The following RBMS3 variants were observed in gnomAD, a reference collection of about 807,000 sequenced individuals.
The protein encoded by RBMS3 is RNA binding motif single stranded interacting protein 3.
In RBMS3, 27 loss-of-function variants were observed where a neutral mutation model predicts 66.8. That is an observed-to-expected ratio of 0.40 (90% CI 0.30 to 0.56). The LOEUF is 0.56. Ranked by LOEUF, RBMS3 falls within the 20% of genes least tolerant of loss-of-function variation. The probability of loss-of-function intolerance (pLI) is 0.40; values close to 1 mark genes in which losing one functional copy is unlikely to be tolerated. For missense variants in RBMS3, 513 were observed against 549.5 expected, an observed-to-expected ratio of 0.93 and a Z score of 0.66; for synonymous variants, 188 against 183.0, an observed-to-expected ratio of 1.03 and a Z score of -0.22.
chr3:29,594,767 A>G (rs540431521), intron 4 of RBMS3, among the ~76,000 whole-genome samples: 3 of 152,234 alleles, frequency 2.0e-5, no homozygotes, highest in South Asian at 4.1e-4. Context: ...TCAAAACTCA[A>G]TATTGAAATT....
chr3:29,578,812 T>TTTTTTTTTTTTTTTTTTTTTTTTTGTG (rs2047219913), intron 3 of RBMS3, among the ~76,000 whole-genome samples: 1 of 134,710 alleles, frequency 7.4e-6, no homozygotes, highest in African/African-American at 3.0e-5. Flanking sequence ...TTTTTTTTTT[T>TTTTTTTTTTTTTTTTTTTTTTTTTGTG]GAGACGGAGT....
At chr3:29,566,575 C>A (rs568531584) in intron 3 of RBMS3, among the ~76,000 whole-genome samples, 1 of 143,470 alleles carries the variant, frequency 7.0e-6, no homozygotes, top group East Asian at 2.1e-4. Context: ...AATATTTGTT[C>A]ATACTTGAAT....
chr3:29,947,026 A>G lies in RBMS3; in HGVS notation c.1098+2772A>G, dbSNP rs1001989797. Among the ~76,000 whole-genome samples, 3 of 151,688 alleles carry G rather than the reference A, an allele frequency of 2.0e-5. 1 individual carries two copies. Among genetic ancestry groups the G allele is most frequent in the Admixed American group, 2.0e-4 (3 of 15,170 alleles). ...TGGCAAACTGTGGGTTTAAGGAAGA[A>G]TAAAGAAGGAAGAAAAAAGAAGGCA... On this transcript the variant is annotated intron_variant, in intron 12 of 14. Transcript: ENST00000383767.
At chr3:29,836,012 T>G (rs1339982935) in intron 6 of RBMS3, among the ~76,000 whole-genome samples, 1 of 151,846 alleles carries the variant, frequency 6.6e-6, no homozygotes, top group Non-Finnish European at 1.5e-5. Context: ...CAAATTAGAC[T>G]GCCTAGAATA....
At chr3:29,565,698 A>G (rs1461886944) in intron 3 of RBMS3, among the ~76,000 whole-genome samples, 1 of 152,200 alleles carries the variant, frequency 6.6e-6, no homozygotes, top group African/African-American at 2.4e-5. Context: ...AAGTATTAAC[A>G]CCAAAACACT....
chr3:29,285,461 C>T (rs1359513421), intron 1 of RBMS3, among the ~76,000 whole-genome samples: 1 of 152,084 alleles, frequency 6.6e-6, no homozygotes. Context: ...CAAGTTTCTC[C>T]TTTCTTCCTT....
chr3:29,475,831 G>A (rs1479654439), intron 2 of RBMS3, among the ~76,000 whole-genome samples: 3 of 151,954 alleles, frequency 2.0e-5, no homozygotes, highest in Admixed American at 6.6e-5. Context: ...CATTATGTGG[G>A]GCCATGTGTT....
intron 4 of RBMS3, chr3:29,698,336 A>G: frequency 4.1e-6 from 4 of 985,444 alleles, no homozygotes; most frequent in Non-Finnish European, 4.8e-6. Flanking sequence ...TTTTATTGGA[A>G]TAATAAAACC....
chr3:29,483,514 A>G (rs985795282), intron 2 of RBMS3, among the ~76,000 whole-genome samples: 1 of 152,064 alleles, frequency 6.6e-6, no homozygotes, highest in Non-Finnish European at 1.5e-5. Context: ...CTACTGAGTC[A>G]GATTTCTGGG....
chr3:29,594,903 C>G (rs2047890544), intron 4 of RBMS3, among the ~76,000 whole-genome samples: 1 of 152,186 alleles, frequency 6.6e-6, no homozygotes. Context: ...GTACTACCCT[C>G]TGCTTTTGCA....
intron 10 of RBMS3, among the ~76,000 whole-genome samples, chr3:29,907,959 T>G (rs920765233): frequency 6.6e-6 from 1 of 151,994 alleles, no homozygotes; most frequent in African/African-American, 2.4e-5. Context: ...AAGAATTTGT[T>G]AAGGTTGGCC....
intron 2 of RBMS3, among the ~76,000 whole-genome samples, chr3:29,479,969 A>G (rs993098977): frequency 6.6e-6 from 1 of 152,202 alleles, no homozygotes; most frequent in African/African-American, 2.4e-5. Context: ...TCAATACCTG[A>G]CTAGTTTCTG....
intron 1 of RBMS3, among the ~76,000 whole-genome samples, chr3:29,378,689 A>G (rs1359866505): frequency 1.3e-5 from 2 of 152,202 alleles, no homozygotes; most frequent in Non-Finnish European, 2.9e-5. Flanking sequence ...ATTATTTTTA[A>G]TATACATTTT....
chr3:29,424,758 G>A (rs929499469), intron 1 of RBMS3, among the ~76,000 whole-genome samples: 13 of 152,080 alleles, frequency 8.5e-5, no homozygotes, highest in Admixed American at 3.9e-4. Context: ...GGAACAAAGT[G>A]TGTTATTTCT....
intron 4 of RBMS3, among the ~76,000 whole-genome samples, chr3:29,650,379 C>G (rs2149212346): frequency 6.6e-6 from 1 of 151,372 alleles, no homozygotes; most frequent in Non-Finnish European, 1.5e-5. Flanking sequence ...CAGCCTCAAC[C>G]TCTGGGGCTC....
At chr3:29,518,017 T>C (rs1475023704) in intron 3 of RBMS3, among the ~76,000 whole-genome samples, 1 of 152,194 alleles carries the variant, frequency 6.6e-6, no homozygotes, top group Non-Finnish European at 1.5e-5. Context: ...AGGCAAAAAG[T>C]AGGCCTGTTG....
intron 4 of RBMS3, among the ~76,000 whole-genome samples, chr3:29,591,519 T>C (rs992881312): frequency 2.0e-5 from 3 of 152,176 alleles, no homozygotes; most frequent in Non-Finnish European, 4.4e-5. Context: ...GTGCAATAAG[T>C]TCCTTGGTTA....
At chr3:29,546,750 G>A (rs2149023862) in intron 3 of RBMS3, among the ~76,000 whole-genome samples, 1 of 152,268 alleles carries the variant, frequency 6.6e-6, no homozygotes, top group Admixed American at 6.5e-5. Context: ...ACACTCAAGA[G>A]ATGTTTGGTT....
intron 1 of RBMS3, among the ~76,000 whole-genome samples, chr3:29,432,184 G>C (rs972770375): frequency 6.6e-6 from 1 of 152,150 alleles, no homozygotes; most frequent in African/African-American, 2.4e-5. Context: ...AGGTTTCCAG[G>C]AGGCTGTTTG....
Sources: allele counts gnomAD v4.1 joint callset (sites outside exome capture counted in the v4.1 genomes callset), GRCh38; gene constraint gnomAD v4.1.1; transcripts MANE v1.5; gene names NCBI Gene and HGNC (gene_info 2026-07-23, HGNC 2026-07-21).